The following SHANK2 variants were observed in gnomAD, a reference collection of about 807,000 sequenced individuals.
The protein encoded by SHANK2 is SH3 and multiple ankyrin repeat domains protein 2.
In SHANK2, 43 loss-of-function variants were observed where a neutral mutation model predicts 133.7. The observed-to-expected ratio is 0.32, with a 90% CI of 0.25 to 0.41. The LOEUF is 0.41. SHANK2 is among the 10% of genes least tolerant of loss of function. The pLI is 1.00. For missense variants in SHANK2, 1,994 were observed against 2,235.8 expected, an observed-to-expected ratio of 0.89 and a Z score of 2.18; for synonymous variants, 1,017 against 952.8, an observed-to-expected ratio of 1.07 and a Z score of -1.24.
In SHANK2 at chr11:70,828,481, T is replaced by C. The variant is rs549803640; in HGVS notation, c.1175-7799A>G. On this transcript the variant is annotated intron_variant, in intron 11 of 25. Transcript: ENST00000601538. Reference sequence around the variant, plus strand: ...ACGGTTCTGAGGTCAGAGCCACCAGTGTGTCCCACAGAGTTCATGCACCTC... The same window carrying C: ...ACGGTTCTGAGGTCAGAGCCACCAGCGTGTCCCACAGAGTTCATGCACCTC... 2.6e-5 allele frequency among the ~76,000 whole-genome samples: 4 copies of C among 152,368 alleles called. No individual in the cohort carries two copies. The South Asian group carries it at 6.2e-4, about 24-fold the overall frequency.
intron 14 of SHANK2, among the ~76,000 whole-genome samples, chr11:70,795,407 C>CTTTTTTTTT (rs71049944): frequency 7.8e-6 from 1 of 128,448 alleles, no homozygotes; most frequent in Non-Finnish European, 1.6e-5. Context: ...CTTTCTTTTT[C>CTTTTTTTTT]TTTTTTTTTT....
At chr11:70,667,115 G>T (rs1281670642) in intron 15 of SHANK2, among the ~76,000 whole-genome samples, 2 of 152,116 alleles carry the variant, frequency 1.3e-5, no homozygotes, top group African/African-American at 4.8e-5. Flanking sequence ...TTTCGTCACA[G>T]AGGGAAGAAA....
intron 1 of SHANK2, among the ~76,000 whole-genome samples, chr11:71,244,294 T>C (rs1954932132): frequency 6.6e-6 from 1 of 152,252 alleles, no homozygotes; most frequent in African/African-American, 2.4e-5. Flanking sequence ...AACCAGCTGG[T>C]GGCTGTCTGA....
Position 70,500,555 on chromosome 11 carries a change from C to G in SHANK2, c.2308+15G>C. 6.2e-7 allele frequency: 1 copy of G among 1,600,720 alleles called. No individual in the cohort carries two copies. Among genetic ancestry groups the G allele is most frequent in the Non-Finnish European group, 8.5e-7 (1 of 1,173,924 alleles). Reference sequence around the variant, plus strand: ...GATGGGCAGGGGGCTGAGACAGACACTGGGCCTCCCTTACCCTTCTTCTTC... The same window carrying G: ...GATGGGCAGGGGGCTGAGACAGACAGTGGGCCTCCCTTACCCTTCTTCTTC... On this transcript the variant is annotated intron_variant, in intron 21 of 25. Transcript: ENST00000601538. The surrounding 1 kb of genome is among the most constrained non-coding windows in gnomAD (Gnocchi z 4.5).
chr11:71,210,210 G>GTATATATA (rs71049962), intron 2 of SHANK2, among the ~76,000 whole-genome samples: 796 of 53,654 alleles, frequency 0.015, 10 homozygotes, highest in Middle Eastern at 0.019. Context: ...AAATCCACAG[G>GTATATATA]TATATATATA....
intron 15 of SHANK2, among the ~76,000 whole-genome samples, chr11:70,676,175 C>T (rs886453299): frequency 6.6e-6 from 1 of 152,240 alleles, no homozygotes; most frequent in Admixed American, 6.5e-5. Flanking sequence ...CTTCTTTCTC[C>T]ACCACACCCA....
rs536139346 is a variant in SHANK2, at chr11:71,120,301, G to C, written c.208-1269C>G. 4.1e-4 allele frequency among the ~76,000 whole-genome samples: 63 copies of C among 152,328 alleles called. 2 individuals carry two copies. Among genetic ancestry groups the C allele is most frequent in the Admixed American group, 3.0e-3 (46 of 15,306 alleles). ...AATTAAAATTATATTCTACTGAACA[G>C]CTGTCAGCAGGGGCTCAATAATTCA... On this transcript the variant is annotated intron_variant, in intron 3 of 25. Coordinates refer to ENST00000601538, the MANE Select transcript of SHANK2 (RefSeq NM_012309.5).
intron 20 of SHANK2, 114 bp downstream of exon 20, chr11:70,501,809 G>T: frequency 1.8e-6 from 2 of 1,105,686 alleles, no homozygotes; most frequent in Non-Finnish European, 2.7e-6. Flanking sequence ...TCTGGTCTGA[G>T]CCACGTGGGG....
intron 14 of SHANK2, among the ~76,000 whole-genome samples, chr11:70,769,137 G>A (rs1301635091): frequency 6.6e-6 from 1 of 152,124 alleles, no homozygotes; most frequent in Non-Finnish European, 1.5e-5. Context: ...GGTTGGCGGG[G>A]TGAATGAATG....
chr11:71,203,190 T>C lies in SHANK2; in HGVS notation c.-13+21507A>G, dbSNP rs551547823. ...GGGGGAGGCGCAGGGTCTAGGGAGA[T>C]GTGCCCCAATTGTCTGCTGGAGATG... On this transcript the variant is annotated intron_variant, in intron 2 of 25. Transcript: ENST00000601538. Among the ~76,000 whole-genome samples, 9 of 152,234 alleles carry C rather than the reference T, an allele frequency of 5.9e-5. No individual in the cohort carries two copies. The South Asian group carries it at 1.0e-3, about 18-fold the overall frequency.
chr11:71,189,616 T>A (rs1953748289), intron 2 of SHANK2, among the ~76,000 whole-genome samples: 1 of 152,172 alleles, frequency 6.6e-6, no homozygotes, highest in African/African-American at 2.4e-5. Context: ...CCCAGGCTGG[T>A]CTCAAACTCC....
At chr11:70,727,433 A>G (rs1450842067) in intron 14 of SHANK2, among the ~76,000 whole-genome samples, 1 of 152,180 alleles carries the variant, frequency 6.6e-6, no homozygotes, top group Non-Finnish European at 1.5e-5. Context: ...ACTCTTGTGT[A>G]GTTTCCAGGG....
chr11:70,472,433 C>A lies in SHANK2; in HGVS notation c.*436G>T, dbSNP rs1181594800. ...GAGAGGCCACAGGACTGAGGAAAGG[C>A]CTCATGCCGGGGCCTGGGGTGGTGA... On this transcript the variant is annotated 3_prime_UTR_variant, in exon 26 of 26. Coordinates refer to ENST00000601538, the MANE Select transcript of SHANK2 (RefSeq NM_012309.5). This position sits in a 1 kb window ranked among gnomAD's most constrained non-coding sequence, Gnocchi z 4.4. The A allele has an allele frequency of 3.2e-5, 8 of 250,092 alleles. No homozygotes were observed. The highest frequency in any genetic ancestry group is 1.8e-4 in the African/African-American group (8 of 44,434). The allele number at this position is 250,092 out of a possible 1,614,324, so 15.5% of individuals were successfully genotyped here. A position where few individuals can be genotyped will look rare whatever the true frequency, so the allele number is the denominator to read the frequency against.
At chr11:70,905,269 GC>G (rs1555077698) in intron 10 of SHANK2, among the ~76,000 whole-genome samples, 1 of 152,154 alleles carries the variant, frequency 6.6e-6, no homozygotes, top group African/African-American at 2.4e-5. Context: ...TTTCAAGACA[GC>G]TCCCTAGACA....
intron 4 of SHANK2, among the ~76,000 whole-genome samples, chr11:71,115,952 C>T (rs1198806943): frequency 6.6e-6 from 1 of 152,130 alleles, no homozygotes; most frequent in African/African-American, 2.4e-5. Context: ...CCAATGGATA[C>T]CCATTTTACA....
At chr11:71,072,448 C>T (rs1951155875) in intron 9 of SHANK2, among the ~76,000 whole-genome samples, 1 of 152,246 alleles carries the variant, frequency 6.6e-6, no homozygotes, top group Non-Finnish European at 1.5e-5. Flanking sequence ...TAGATACATT[C>T]ACGTCCTGCT....
At chr11:70,667,612 C>G (rs1421162239) in intron 15 of SHANK2, among the ~76,000 whole-genome samples, 1 of 152,180 alleles carries the variant, frequency 6.6e-6, no homozygotes, top group African/African-American at 2.4e-5. Flanking sequence ...CCTGGTCCAG[C>G]GGGCAGCAGG....
At chr11:71,231,627 C>G (rs189433442) in intron 1 of SHANK2, among the ~76,000 whole-genome samples, 1 of 152,288 alleles carries the variant, frequency 6.6e-6, no homozygotes, top group Non-Finnish European at 1.5e-5. Context: ...GTGGCTCACA[C>G]CTGTAATACC....
At chr11:70,924,422 G>A (rs1950398035) in intron 10 of SHANK2, among the ~76,000 whole-genome samples, 1 of 152,144 alleles carries the variant, frequency 6.6e-6, no homozygotes, top group African/African-American at 2.4e-5. Flanking sequence ...AAATGGTGGG[G>A]CTGAAGGAAA....
Sources: allele counts gnomAD v4.1 joint callset (sites outside exome capture counted in the v4.1 genomes callset), GRCh38; gene constraint gnomAD v4.1.1; non-coding constraint Gnocchi (gnomAD v3.1); transcripts MANE v1.5; gene names NCBI Gene and HGNC (gene_info 2026-07-23, HGNC 2026-07-21).